The following ADGRL3 variants were observed in gnomAD, a reference collection of about 807,000 sequenced individuals.
ADGRL3 encodes the protein adhesion G protein-coupled receptor L3, also known as calcium-independent alpha-latrotoxin receptor 3.
In ADGRL3, 62 loss-of-function variants were observed where a neutral mutation model predicts 153.5. The observed-to-expected ratio is 0.40, with a 90% CI of 0.33 to 0.50. ADGRL3 has a LOEUF of 0.50. Among genes scored for constraint, ADGRL3 ranks in the 20% least tolerant of loss-of-function variants. The pLI is 0.47. For synonymous variants in ADGRL3, 710 were observed against 672.5 expected, an observed-to-expected ratio of 1.06 and a Z score of -0.86; for missense variants, 1,641 against 1,859.4, an observed-to-expected ratio of 0.88 and a Z score of 2.16.
intron 3 of ADGRL3, among the ~76,000 whole-genome samples, chr4:61,510,081 G>GTTCATGTCC (rs1214159735): frequency 6.6e-6 from 1 of 152,140 alleles, no homozygotes; most frequent in African/African-American, 2.4e-5. Context: ...CGAAGTGTTT[G>GTTCATGTCC]TTCATGTCCT....
chr4:62,015,336 C>T (rs1315049548), intron 21 of ADGRL3, among the ~76,000 whole-genome samples: 1 of 152,180 alleles, frequency 6.6e-6, no homozygotes, highest in East Asian at 1.9e-4. Context: ...CCAGATACTT[C>T]AATGTGCTAA....
intron 13 of ADGRL3, among the ~76,000 whole-genome samples, chr4:61,914,334 A>G (rs2098735645): frequency 6.6e-6 from 1 of 152,096 alleles, no homozygotes; most frequent in Admixed American, 6.6e-5. Context: ...TAGGTTCATG[A>G]CTCAGGCCCC....
chr4:61,643,494 A>G (rs923445631), intron 5 of ADGRL3, among the ~76,000 whole-genome samples: 58 of 151,772 alleles, frequency 3.8e-4, no homozygotes, highest in Non-Finnish European at 7.2e-4. Flanking sequence ...AGTTTTTAGC[A>G]TGAAGGGTTG....
intron 1 of ADGRL3, among the ~76,000 whole-genome samples, chr4:61,337,909 C>T (rs2095713728): frequency 6.6e-6 from 1 of 152,030 alleles, no homozygotes; most frequent in Admixed American, 6.6e-5. Flanking sequence ...GGAAAAAAGT[C>T]CTTGTTATAT....
At chr4:61,569,265 T>G (rs1268440687) in intron 4 of ADGRL3, among the ~76,000 whole-genome samples, 1 of 152,178 alleles carries the variant, frequency 6.6e-6, no homozygotes. Flanking sequence ...TGCAATTTAT[T>G]TATATGTAAT....
At chr4:61,320,704 G>A (rs1321281249) in intron 1 of ADGRL3, among the ~76,000 whole-genome samples, 1 of 152,158 alleles carries the variant, frequency 6.6e-6, no homozygotes, top group African/African-American at 2.4e-5. Flanking sequence ...AACATCTACA[G>A]TAGTGATTTG....
chr4:61,261,681 T>C (rs1033210744), intron 1 of ADGRL3, among the ~76,000 whole-genome samples: 1 of 152,002 alleles, frequency 6.6e-6, no homozygotes, highest in Non-Finnish European at 1.5e-5. Context: ...AAGAGACAAA[T>C]GATTAAAGAA....
chr4:61,940,067 C>T (rs1403887610), intron 15 of ADGRL3, among the ~76,000 whole-genome samples: 11 of 119,290 alleles, frequency 9.2e-5, no homozygotes, highest in African/African-American at 3.6e-4. Flanking sequence ...TCTCCCAATG[C>T]TATCCCTCCC....
chr4:61,221,428 T>C (rs1020409526), intron 1 of ADGRL3, among the ~76,000 whole-genome samples: 2 of 152,140 alleles, frequency 1.3e-5, no homozygotes. Context: ...CTTCAAGAAC[T>C]GCTGTTTCAA....
chr4:61,768,754 A>G (rs952593361), intron 8 of ADGRL3, among the ~76,000 whole-genome samples: 12 of 151,956 alleles, frequency 7.9e-5, no homozygotes, highest in Non-Finnish European at 1.3e-4. Flanking sequence ...AAGCTTGCCC[A>G]TAGTGAAGGA....
chr4:61,323,532 C>G (rs913430694), intron 1 of ADGRL3, among the ~76,000 whole-genome samples: 4 of 152,142 alleles, frequency 2.6e-5, no homozygotes, highest in African/African-American at 9.7e-5. Flanking sequence ...ATTTCTTCCA[C>G]CAGACACCCT....
intron 13 of ADGRL3, among the ~76,000 whole-genome samples, chr4:61,917,803 A>G (rs2098751594): frequency 6.6e-6 from 1 of 151,052 alleles, no homozygotes; most frequent in African/African-American, 2.5e-5. Flanking sequence ...AGCAGAGAGA[A>G]CAGAAAGTTC....
chr4:61,948,420 C>T, intron 17 of ADGRL3, 144 bp downstream of exon 17: 1 of 560,436 alleles, frequency 1.8e-6, no homozygotes, highest in South Asian at 3.5e-5. Context: ...GATGTTCAAA[C>T]CATATCCTTG....
intron 1 of ADGRL3, among the ~76,000 whole-genome samples, chr4:61,296,677 T>C (rs1307045058): frequency 2.6e-5 from 4 of 152,182 alleles, no homozygotes; most frequent in African/African-American, 9.6e-5. Context: ...CAAAAGGCTT[T>C]ACCTGAAACT....
intron 1 of ADGRL3, among the ~76,000 whole-genome samples, chr4:61,258,545 A>C (rs182887180): frequency 6.6e-6 from 1 of 152,336 alleles, no homozygotes; most frequent in Non-Finnish European, 1.5e-5. Context: ...TGAGAACTAA[A>C]TGACATAATG....
intron 6 of ADGRL3, among the ~76,000 whole-genome samples, chr4:61,707,569 T>C (rs955542617): frequency 1.3e-5 from 2 of 152,226 alleles, no homozygotes; most frequent in Non-Finnish European, 2.9e-5. Context: ...TGTTTGACCT[T>C]GATTTTTTTA....
At chr4:61,869,327 G>T (rs571524959) in intron 9 of ADGRL3, among the ~76,000 whole-genome samples, 3 of 152,090 alleles carry the variant, frequency 2.0e-5, no homozygotes, top group African/African-American at 7.2e-5. Context: ...GGCCGGGCGC[G>T]GTGGCTCACG....
intron 5 of ADGRL3, among the ~76,000 whole-genome samples, chr4:61,664,737 A>G (rs2094724004): frequency 6.6e-6 from 1 of 152,184 alleles, no homozygotes; most frequent in African/African-American, 2.4e-5. Context: ...TATAGGGTTC[A>G]GGTTTATTTT....
intron 1 of ADGRL3, among the ~76,000 whole-genome samples, chr4:61,302,200 T>A (rs1481305127): frequency 6.6e-6 from 1 of 152,090 alleles, no homozygotes; most frequent in Non-Finnish European, 1.5e-5. Context: ...TAGGTGGGCC[T>A]TTGATTTTAT....
Sources: allele counts gnomAD v4.1 joint callset (sites outside exome capture counted in the v4.1 genomes callset), GRCh38; gene constraint gnomAD v4.1.1; transcripts MANE v1.5; gene names NCBI Gene and HGNC (gene_info 2026-07-23, HGNC 2026-07-21).